The following CNDP2 variants were observed in gnomAD, a reference collection of about 807,000 sequenced individuals.
The protein encoded by CNDP2 is cytosolic non-specific dipeptidase.
CNDP2 carries 38 observed loss-of-function variants against 55.0 expected under a neutral mutation model. The ratio of observed to expected loss-of-function variants is 0.69; its 90% CI spans 0.53 to 0.90. The LOEUF (loss-of-function observed/expected upper bound fraction) is 0.90. Ranked by LOEUF, CNDP2 falls within the 40% of genes least tolerant of loss-of-function variation. The pLI is 0.00. For missense variants in CNDP2, 607 were observed against 621.7 expected (o/e 0.98, Z 0.25); for synonymous variants, 241 against 260.2 (o/e 0.93, Z 0.71).
chr18:74,501,220 A>T, intron 2 of CNDP2, 109 bp from the exon 3 acceptor site: 1 of 1,479,432 alleles, frequency 6.8e-7, no homozygotes, highest in Non-Finnish European at 9.0e-7. Flanking sequence ...AGCCTGTTCA[A>T]CTGCAGCAGC....
At chr18:74,497,257 A>G (rs1360720051) in intron 1 of CNDP2, among the ~76,000 whole-genome samples, 1 of 152,190 alleles carries the variant, frequency 6.6e-6, no homozygotes, top group Non-Finnish European at 1.5e-5. Context: ...GAGGAAGAGA[A>G]GTCCACATTA....
intron 3 of CNDP2, among the ~76,000 whole-genome samples, chr18:74,501,979 C>T (rs542846405): frequency 4.6e-5 from 7 of 152,178 alleles, no homozygotes; most frequent in African/African-American, 1.4e-4. Flanking sequence ...CTGCAACCTC[C>T]GCCTCCCGGG....
chr18:74,518,586 G>A lies in CNDP2; in HGVS notation c.1156G>A (p.Val386Ile). 1 of 1,614,176 alleles carries A rather than the reference G, an allele frequency of 6.2e-7. No individual in the cohort carries two copies. The highest frequency in any genetic ancestry group is 1.1e-5 in the South Asian group (1 of 91,088). The part of the protein sequence containing the change: ...VYMGHGGKPW[V>I]SDFSHPHYLA... ...CATGGGCCACGGTGGGAAGCCCTGG[G>A]TCTCCGACTTCAGTCACCCTCATTA... is the stretch of plus-strand genomic sequence containing the variant. The change falls in exon 10 of 12, where the codon GTC becomes ATC. Residue 386 changes from valine (V) to isoleucine (I), a missense_variant. Transcript: ENST00000324262.
intron 3 of CNDP2, among the ~76,000 whole-genome samples, chr18:74,503,717 A>T (rs2144579257): frequency 6.6e-6 from 1 of 152,410 alleles, no homozygotes; most frequent in East Asian, 1.9e-4. Context: ...TGGTGGGTAC[A>T]GGCTGTCCTG....
At chr18:74,516,417 G>C in intron 9 of CNDP2, 25 bp downstream of exon 9, 2 of 1,590,270 alleles carry the variant, frequency 1.3e-6, no homozygotes, top group East Asian at 2.2e-5. Flanking sequence ...GACACGGGGT[G>C]GGGGCCAAGA....
intron 1 of CNDP2, among the ~76,000 whole-genome samples, chr18:74,497,329 A>T (rs1197794744): frequency 2.0e-5 from 3 of 152,224 alleles, no homozygotes; most frequent in Non-Finnish European, 4.4e-5. Context: ...TCTTAATCAG[A>T]CATGAAGGTG....
intron 7 of CNDP2, 53 bp from the exon 8 acceptor site, chr18:74,513,506 T>C: frequency 6.5e-7 from 1 of 1,547,998 alleles, no homozygotes; most frequent in East Asian, 2.3e-5. Flanking sequence ...AAAGAGCAGC[T>C]CGCCTTGGTG....
chr18:74,501,687 A>G (rs1978710409), intron 3 of CNDP2, among the ~76,000 whole-genome samples: 1 of 152,188 alleles, frequency 6.6e-6, no homozygotes, highest in African/African-American at 2.4e-5. Context: ...ATTTTTCTCC[A>G]GGAAGGAGAA....
Position 74,505,882 on chromosome 18 carries a change from A to G in CNDP2, c.238A>G (p.Ile80Val), listed in dbSNP as rs556908287. The G allele has an allele frequency of 2.7e-5, 44 of 1,611,694 alleles. No individual in the cohort carries two copies. The highest frequency in any genetic ancestry group is 3.7e-5 in the Non-Finnish European group (44 of 1,179,342). The change falls in exon 4 of 12, where the codon ATT becomes GTT. Residue 80 changes from isoleucine (I) to valine (V), a missense_variant. By Grantham distance (29) the Ile-to-Val change is conservative. Transcript: ENST00000324262. ...PDGSEIPLPPILLGRLGSDPQ... is the reference protein window; with the variant it reads ...PDGSEIPLPPVLLGRLGSDPQ... ...TGGCTCGGAGATCCCGCTCCCTCCT[A>G]TTCTGCTCGGCAGGCTGGGCTCCGA...
In CNDP2 at chr18:74,510,863, C is replaced by T. The variant is rs147519744; in HGVS notation, c.507C>T (p.Gly169=). 3.1e-6 allele frequency: 5 copies of T among 1,614,116 alleles called. No homozygotes were observed. In the Admixed American group the frequency reaches 5.0e-5, roughly 16 times the overall value. ...GCCTCGAAGGCATGGAGGAGTCAGGCTCTGAGGGCCTAGACGAGCTGATTT... is the reference window on the plus strand; with the variant it reads ...GCCTCGAAGGCATGGAGGAGTCAGGTTCTGAGGGCCTAGACGAGCTGATTT... ...RFCLEGMEES[G]SEGLDELIFA... is the part of the protein sequence containing the mutation. The change falls in exon 6 of 12, where the codon GGC becomes GGT. Residue 169 remains glycine, a synonymous_variant. Coordinates refer to ENST00000324262, the MANE Select transcript of CNDP2 (RefSeq NM_018235.3).
chr18:74,507,807 C>G (rs1422985066), intron 4 of CNDP2: 4 of 152,426 alleles, frequency 2.6e-5, no homozygotes, highest in African/African-American at 9.6e-5. Context: ...CGCCCGGCCT[C>G]CCTCTCCTTG....
rs1485557771 is a variant in CNDP2, at chr18:74,513,541, C to G, written c.743-18C>G. The G allele has an allele frequency of 6.2e-7, 1 of 1,604,834 alleles. No homozygotes were observed. Among genetic ancestry groups the G allele is most frequent in the Non-Finnish European group, 8.5e-7 (1 of 1,176,752 alleles). On this transcript the variant is annotated intron_variant, in intron 7 of 11. Coordinates refer to ENST00000324262, the MANE Select transcript of CNDP2 (RefSeq NM_018235.3). ...GCGGCCTCCCCTGAGTGCTGTAACC[C>G]TCTCCGGCTTCCCTCAGGCTCTTTG...
rs1980007119 is a variant in CNDP2, at chr18:74,520,840, T to G, written c.*772T>G. 6.6e-6 allele frequency: 1 copy of G among 152,210 alleles called. No homozygotes were observed. Among genetic ancestry groups the G allele is most frequent in the South Asian group, 2.1e-4 (1 of 4,824 alleles). The allele number at this position is 152,210 out of a possible 1,614,324, so 9.4% of individuals were successfully genotyped here. ...ACCCCATCTCAAAAAAAATAAGTTC[T>G]GGTTGTCATTGAATTGGGATAAACA... On this transcript the variant is annotated 3_prime_UTR_variant, in exon 12 of 12. Transcript: ENST00000324262.
intron 4 of CNDP2, chr18:74,506,959 C>G (rs985233501): frequency 1.3e-5 from 2 of 152,278 alleles, no homozygotes; most frequent in Non-Finnish European, 2.9e-5. Context: ...CTCTTCTCAT[C>G]GAAGCCCTTC....
In CNDP2 at chr18:74,516,315, G is replaced by A. The variant is rs768546817; in HGVS notation, c.991G>A (p.Val331Met). 5.6e-6 allele frequency: 9 copies of A among 1,614,098 alleles called. No homozygotes were observed. The highest frequency in any genetic ancestry group is 1.7e-4 in the Middle Eastern group (1 of 6,060). Residue 331 changes from valine (V) to methionine (M), a missense_variant, in exon 9 of 12, where the codon GTG (valine) becomes ATG (methionine). By Grantham distance (21) the Val-to-Met change is conservative. Coordinates refer to ENST00000324262, the MANE Select transcript of CNDP2 (RefSeq NM_018235.3). ...CTTCTCTGGGTCTGGGGCCAAGACC[G>A]TGATTCCCAGGAAGGTGGTTGGCAA... is the stretch of plus-strand genomic sequence containing the variant. ...GAFSGSGAKTVIPRKVVGKFS... is the reference protein window; with the variant it reads ...GAFSGSGAKTMIPRKVVGKFS...
At chr18:74,503,735 C>T (rs1335936082) in intron 3 of CNDP2, among the ~76,000 whole-genome samples, 2 of 152,268 alleles carry the variant, frequency 1.3e-5, no homozygotes, top group South Asian at 2.1e-4. Context: ...CTGGTGAGAA[C>T]TGAGGCACAG....
In CNDP2 at chr18:74,515,380, C is replaced by G. The variant is rs75536291; in HGVS notation, c.904-848C>G. ...AGTGACTGGACAGTGATGTCAGGGA[C>G]CGAGGGGTTGGGCACGGGGAGGAGC... On this transcript the variant is annotated intron_variant, in intron 8 of 11. Coordinates refer to ENST00000324262, the MANE Select transcript of CNDP2 (RefSeq NM_018235.3). 1.4e-4 allele frequency among the ~76,000 whole-genome samples: 22 copies of G among 152,228 alleles called. No individual in the cohort carries two copies. The East Asian group carries it at 4.1e-3, about 28-fold the overall frequency.
In CNDP2 at chr18:74,513,810, G is replaced by C. The variant is rs910319859; in HGVS notation, c.903+91G>C. The C allele has an allele frequency of 4.6e-6, 6 of 1,313,272 alleles. No individual in the cohort carries two copies. The African/African-American group carries it at 5.9e-5, about 13-fold the overall frequency. 81.4% of individuals were successfully genotyped at this position (1,313,272 alleles called of 1,614,324 possible). A position where few individuals can be genotyped will look rare whatever the true frequency, so the allele number is the denominator to read the frequency against. ...CCTGTCACCTTCCCTGGGTCCAGGG[G>C]GTCTCTGAGGGAAGAGCTGGAATGT... On this transcript the variant is annotated intron_variant, in intron 8 of 11. Coordinates refer to ENST00000324262, the MANE Select transcript of CNDP2 (RefSeq NM_018235.3).
At chr18:74,503,340 T>C (rs976425617) in intron 3 of CNDP2, among the ~76,000 whole-genome samples, 1 of 152,232 alleles carries the variant, frequency 6.6e-6, no homozygotes, top group Admixed American at 6.5e-5. Context: ...ACATCTTCTG[T>C]TCTCTTCCCG....
Sources: gnomAD v4.1 joint callset for allele counts (sites outside exome capture counted in the v4.1 genomes callset) on GRCh38, gnomAD v4.1.1 for gene constraint, MANE v1.5 for transcripts, NCBI Gene and HGNC (gene_info 2026-07-23, HGNC 2026-07-21) for gene names.